The following KAZN variants were observed in gnomAD, a reference collection of about 807,000 sequenced individuals.
The protein encoded by KAZN is kazrin.
KAZN carries 40 observed loss-of-function variants against 87.4 expected under a neutral mutation model. The observed-to-expected ratio is 0.46, with a 90% confidence interval of 0.36 to 0.60. The LOEUF (loss-of-function observed/expected upper bound fraction) is 0.60, where lower values mean the gene tolerates loss of function less well. KAZN is among the 20% of genes least tolerant of loss of function. The pLI, the probability that KAZN is intolerant of heterozygous loss-of-function variation, is 0.00. For missense variants in KAZN, 898 were observed against 1,073.9 expected (o/e 0.84, Z 2.29); for synonymous variants, 466 against 458.3 (o/e 1.02, Z -0.22).
At chr1:15,029,172 A>T (rs1671442150) in intron 2 of KAZN, among the ~76,000 whole-genome samples, 1 of 152,142 alleles carries the variant, frequency 6.6e-6, no homozygotes, top group South Asian at 2.1e-4. Flanking sequence ...CACATTCCCC[A>T]CCAAACAGAA....
intron 1 of KAZN, among the ~76,000 whole-genome samples, chr1:13,935,558 G>A (rs1011596407): frequency 1.3e-5 from 2 of 152,164 alleles, no homozygotes; most frequent in Non-Finnish European, 2.9e-5. Context: ...AGAAGTGTGG[G>A]AGTGAAGAGG....
intron 1 of KAZN, among the ~76,000 whole-genome samples, chr1:14,094,731 A>T (rs1188650635): frequency 6.6e-6 from 1 of 152,194 alleles, no homozygotes; most frequent in Non-Finnish European, 1.5e-5. Context: ...GGAAGTGAAT[A>T]TCACATGGGA....
chr1:15,103,542 T>TCACATGCAAATCAATATGGAAAA (rs1641170380), intron 12 of KAZN, 82 bp downstream of exon 12: 2 of 890,236 alleles, frequency 2.2e-6, no homozygotes, highest in African/African-American at 3.3e-5. Flanking sequence ...AATATGCAAA[T>TCACATGCAAATCAATATGGAAAA]CACATGCAAA....
intron 2 of KAZN, among the ~76,000 whole-genome samples, chr1:14,343,326 C>T (rs1249247328): frequency 1.3e-5 from 2 of 152,130 alleles, no homozygotes; most frequent in South Asian, 2.1e-4. Context: ...TTTGAGTCCA[C>T]TTCACGTTTT....
At chr1:14,027,061 A>G (rs1261416990) in intron 1 of KAZN, among the ~76,000 whole-genome samples, 1 of 152,212 alleles carries the variant, frequency 6.6e-6, no homozygotes, top group Non-Finnish European at 1.5e-5. Context: ...AACCGTCTTG[A>G]CATCCTATCA....
Position 13,912,153 on chromosome 1 carries a change from A to G in KAZN, c.91+18397A>G, listed in dbSNP as rs561016160. 3.3e-5 allele frequency among the ~76,000 whole-genome samples: 5 copies of G among 152,334 alleles called. No individual in the cohort carries two copies. The East Asian group carries it at 9.6e-4, about 29-fold the overall frequency. ...TGCTCACGATCAAAGGCAGCTTCCC[A>G]GCCGAGCACTGGGCTGCCCTGGGCA... On this transcript the variant is annotated intron_variant, in intron 1 of 16. Transcript: ENST00000636203.
intron 1 of KAZN, among the ~76,000 whole-genome samples, chr1:14,168,018 C>T (rs770404983): frequency 3.3e-5 from 5 of 152,150 alleles, no homozygotes; most frequent in Non-Finnish European, 5.9e-5. Flanking sequence ...CCATCAGGGC[C>T]GCAGTTAACA....
intron 2 of KAZN, among the ~76,000 whole-genome samples, chr1:14,373,808 G>A (rs767955868): frequency 6.6e-6 from 1 of 152,158 alleles, no homozygotes; most frequent in African/African-American, 2.4e-5. Flanking sequence ...GATTTCATGG[G>A]GAATCGAGGC....
intron 1 of KAZN, among the ~76,000 whole-genome samples, chr1:14,696,360 C>T (rs563529961): frequency 2.0e-4 from 30 of 152,228 alleles, no homozygotes; most frequent in Non-Finnish European, 3.5e-4. Context: ...AGGATGCAGA[C>T]GTTCTGGGCA....
intron 8 of KAZN, among the ~76,000 whole-genome samples, chr1:15,076,078 G>T (rs1639728945): frequency 6.6e-6 from 1 of 152,158 alleles, no homozygotes; most frequent in Non-Finnish European, 1.5e-5. Flanking sequence ...GGAGCCTGTG[G>T]CCAGGGCATG....
At position 14,337,785 on chromosome 1, in the gene KAZN, T is replaced by C. The variant is rs369458548; in HGVS notation, c.249+157193T>C. 1.3e-4 allele frequency among the ~76,000 whole-genome samples: 20 copies of C among 151,956 alleles called. No individual in the cohort carries two copies. In the East Asian group the frequency reaches 1.4e-3, roughly 10 times the overall value. ...GGCGCGCATCTGTAATCCCAGCTAC[T>C]TGGGAGCCTGAGGCAGGATAATCGC... On this transcript the variant is annotated intron_variant, in intron 2 of 16. Coordinates refer to the KAZN transcript ENST00000636203.
At chr1:14,485,341 A>G (rs904341051) in intron 2 of KAZN, among the ~76,000 whole-genome samples, 3 of 152,102 alleles carry the variant, frequency 2.0e-5, no homozygotes, top group African/African-American at 7.2e-5. Context: ...ATTAATCCAG[A>G]TATGTCTTTA....
intron 1 of KAZN, among the ~76,000 whole-genome samples, chr1:14,128,884 A>G (rs1644931077): frequency 6.6e-6 from 1 of 152,192 alleles, no homozygotes; most frequent in Non-Finnish European, 1.5e-5. Context: ...CCATCTGATC[A>G]TTAATTTGGT....
At chr1:14,502,186 G>A (rs1240625021) in intron 2 of KAZN, among the ~76,000 whole-genome samples, 1 of 151,872 alleles carries the variant, frequency 6.6e-6, no homozygotes, top group Non-Finnish European at 1.5e-5. Flanking sequence ...AATGCCCCTC[G>A]TGGGTCTGTT....
chr1:14,275,433 TGTG>T (rs995763404), intron 2 of KAZN, among the ~76,000 whole-genome samples: 2 of 145,158 alleles, frequency 1.4e-5, no homozygotes, highest in African/African-American at 5.1e-5. Flanking sequence ...ACTGCAGCCT[TGTG>T]GTAAATACTG....
At chr1:15,027,482 T>C (rs1671293927) in intron 2 of KAZN, among the ~76,000 whole-genome samples, 1 of 152,184 alleles carries the variant, frequency 6.6e-6, no homozygotes, top group Non-Finnish European at 1.5e-5. Flanking sequence ...GGGCCTCAGT[T>C]TCCCCATCTG....
chr1:14,806,647 G>T (rs187329337), intron 1 of KAZN, among the ~76,000 whole-genome samples: 3 of 152,226 alleles, frequency 2.0e-5, no homozygotes, highest in African/African-American at 7.2e-5. Context: ...TAAGGAATTT[G>T]GGTACATTTA....
chr1:14,548,755 T>G (rs1673326535), intron 2 of KAZN, among the ~76,000 whole-genome samples: 1 of 148,292 alleles, frequency 6.7e-6, no homozygotes, highest in African/African-American at 2.5e-5. Context: ...GAGAATATTC[T>G]CTTTTCACCA....
At chr1:14,529,915 A>G (rs1672118492) in intron 2 of KAZN, among the ~76,000 whole-genome samples, 1 of 152,206 alleles carries the variant, frequency 6.6e-6, no homozygotes, top group Admixed American at 6.5e-5. Context: ...TTTTATGACA[A>G]AAGCACCTGG....
Sources: allele counts gnomAD v4.1 joint callset (sites outside exome capture counted in the v4.1 genomes callset), GRCh38; gene constraint gnomAD v4.1.1; transcripts MANE v1.5; gene names NCBI Gene and HGNC (gene_info 2026-07-23, HGNC 2026-07-21).